The following TACR1 variants were observed in gnomAD, a reference collection of about 807,000 sequenced individuals.
TACR1 encodes the protein substance-P receptor.
A neutral mutation model predicts 35.8 loss-of-function variants in TACR1; 25 were observed. The ratio of observed to expected loss-of-function variants is 0.70; its 90% CI spans 0.51 to 0.98. The LOEUF (loss-of-function observed/expected upper bound fraction) is 0.98. Ranked by LOEUF, TACR1 falls within the 50% of genes least tolerant of loss-of-function variation. The pLI is 0.00. For missense variants in TACR1, 478 were observed against 522.9 expected, an observed-to-expected ratio of 0.91 and a Z score of 0.84; for synonymous variants, 195 against 206.7, an observed-to-expected ratio of 0.94 and a Z score of 0.48.
At chr2:75,162,861 A>G (rs922401193) in intron 1 of TACR1, among the ~76,000 whole-genome samples, 10 of 152,334 alleles carry the variant, frequency 6.6e-5, no homozygotes, top group African/African-American at 2.2e-4. Context: ...CCCAGTTACA[A>G]TCTGCTATAC....
chr2:75,185,713 A>G (rs951135336), intron 1 of TACR1, among the ~76,000 whole-genome samples: 2 of 152,314 alleles, frequency 1.3e-5, no homozygotes, highest in East Asian at 1.9e-4. Flanking sequence ...TGTTGGATCT[A>G]TATATTCTGT....
intron 1 of TACR1, among the ~76,000 whole-genome samples, chr2:75,185,286 TTA>T (rs1479070412): frequency 6.6e-6 from 1 of 152,054 alleles, no homozygotes; most frequent in Non-Finnish European, 1.5e-5. Flanking sequence ...GTAAATGAAA[TTA>T]TTTATGCATA....
At chr2:75,133,723 T>G (rs1310655471) in intron 1 of TACR1, among the ~76,000 whole-genome samples, 3 of 152,168 alleles carry the variant, frequency 2.0e-5, no homozygotes, top group Non-Finnish European at 2.9e-5. Flanking sequence ...TAAACATATA[T>G]ATTTGTCGGG....
At chr2:75,142,238 T>C (rs977407175) in intron 1 of TACR1, among the ~76,000 whole-genome samples, 2 of 152,152 alleles carry the variant, frequency 1.3e-5, no homozygotes, top group Non-Finnish European at 2.9e-5. Flanking sequence ...ACTTTCTGAG[T>C]GTTCCATTTT....
At chr2:75,122,215 T>C (rs1165505076) in intron 1 of TACR1, among the ~76,000 whole-genome samples, 3 of 152,156 alleles carry the variant, frequency 2.0e-5, no homozygotes, top group Non-Finnish European at 4.4e-5. Context: ...ACTCAAGCCC[T>C]GGAATGGCAG....
At chr2:75,141,838 T>G (rs1463681268) in intron 1 of TACR1, among the ~76,000 whole-genome samples, 1 of 152,182 alleles carries the variant, frequency 6.6e-6, no homozygotes, top group African/African-American at 2.4e-5. Context: ...TGGGCTTTAG[T>G]AGACTCTCTC....
intron 1 of TACR1, among the ~76,000 whole-genome samples, chr2:75,124,864 C>T (rs1369273881): frequency 6.6e-6 from 1 of 152,200 alleles, no homozygotes; most frequent in Non-Finnish European, 1.5e-5. Context: ...CAGAAACACT[C>T]TTTACCTTTG....
chr2:75,150,305 C>T (rs1045084518), intron 1 of TACR1, among the ~76,000 whole-genome samples: 1 of 152,166 alleles, frequency 6.6e-6, no homozygotes, highest in Non-Finnish European at 1.5e-5. Flanking sequence ...CTTTAATAAG[C>T]ATATGCTCTA....
chr2:75,072,332 AAG>A, intron 2 of TACR1, among the ~76,000 whole-genome samples: 1 of 152,352 alleles, frequency 6.6e-6, no homozygotes, highest in South Asian at 2.1e-4. Context: ...TGGCATCAGT[AAG>A]AGAAGTGCTG....
chr2:75,122,154 T>G (rs1413725374), intron 1 of TACR1, among the ~76,000 whole-genome samples: 2 of 152,134 alleles, frequency 1.3e-5, no homozygotes, highest in African/African-American at 2.4e-5. Context: ...ATAAGTGACC[T>G]CAAGTGGTAA....
At chr2:75,191,453 G>A (rs1675845585) in intron 1 of TACR1, among the ~76,000 whole-genome samples, 1 of 152,094 alleles carries the variant, frequency 6.6e-6, no homozygotes, top group Non-Finnish European at 1.5e-5. Context: ...ATCTCTCTGA[G>A]TTTCTGGTAT....
At chr2:75,128,339 C>T (rs571168540) in intron 1 of TACR1, among the ~76,000 whole-genome samples, 1 of 152,276 alleles carries the variant, frequency 6.6e-6, no homozygotes, top group South Asian at 2.1e-4. Context: ...CCTAGTTGGG[C>T]ATAGATAGAA....
intron 2 of TACR1, among the ~76,000 whole-genome samples, chr2:75,084,939 C>G (rs1340749957): frequency 4.6e-5 from 7 of 152,176 alleles, no homozygotes; most frequent in Non-Finnish European, 8.8e-5. Flanking sequence ...CAGTTCCGCT[C>G]TGATCTTAGT....
intron 1 of TACR1, among the ~76,000 whole-genome samples, chr2:75,192,886 G>T (rs1182181831): frequency 2.0e-5 from 3 of 152,092 alleles, no homozygotes; most frequent in Non-Finnish European, 4.4e-5. Flanking sequence ...TTCCTTTCTA[G>T]TTTCCAAATG....
At chr2:75,128,441 G>A (rs893142522) in intron 1 of TACR1, among the ~76,000 whole-genome samples, 2 of 152,146 alleles carry the variant, frequency 1.3e-5, no homozygotes, top group Non-Finnish European at 2.9e-5. Flanking sequence ...TGATGTGAAC[G>A]AAGGGGAAAA....
intron 2 of TACR1, among the ~76,000 whole-genome samples, chr2:75,106,485 G>A (rs928681841): frequency 6.6e-6 from 1 of 151,876 alleles, no homozygotes; most frequent in African/African-American, 2.4e-5. Context: ...TAAATGTATC[G>A]CAGGAGTTTT....
chr2:75,127,676 T>C (rs1206115740), intron 1 of TACR1, among the ~76,000 whole-genome samples: 1 of 152,186 alleles, frequency 6.6e-6, no homozygotes, highest in Non-Finnish European at 1.5e-5. Context: ...CAGTGACCCA[T>C]ATTGTTCAAA....
At position 75,051,277 on chromosome 2, in the gene TACR1, G is replaced by T. The variant is rs530018681; in HGVS notation, c.906C>A (p.Pro302=). 7.4e-6 allele frequency: 12 copies of T among 1,614,206 alleles called. No individual in the cohort carries two copies. Among genetic ancestry groups the T allele is most frequent in the Middle Eastern group, 1.6e-4 (1 of 6,062 alleles). ...TGTCATTGAGGCAGCAGTAGATGAT[G>T]GGGTTGTACATGGTGGAGCTCATGG... ...WLAMSSTMYN[P]IIYCCLNDRF... The change falls in exon 4 of 5, where the codon CCC becomes CCA. Residue 302 remains proline (P), a synonymous_variant. Transcript: ENST00000305249.
chr2:75,192,359 A>G (rs1472917651), intron 1 of TACR1, among the ~76,000 whole-genome samples: 3 of 152,228 alleles, frequency 2.0e-5, no homozygotes, highest in Non-Finnish European at 4.4e-5. Flanking sequence ...GACAAGTAGG[A>G]ATAGTCCAAA....
Sources: allele counts gnomAD v4.1 joint callset (sites outside exome capture counted in the v4.1 genomes callset), GRCh38; gene constraint gnomAD v4.1.1; transcripts MANE v1.5; gene names NCBI Gene and HGNC (gene_info 2026-07-23, HGNC 2026-07-21).